SPDYA: variants seen among roughly 807,000 people sequenced by gnomAD.
The protein encoded by SPDYA is speedy protein A.
Under a neutral mutation model 36.7 loss-of-function variants are expected in SPDYA, and 11 were observed. The observed-to-expected ratio is 0.30, with a 90% CI of 0.19 to 0.50. SPDYA has a LOEUF of 0.50. SPDYA is among the 20% of genes least tolerant of loss of function. SPDYA has a pLI of 0.98. For missense variants in SPDYA, 287 were observed against 370.9 expected, an observed-to-expected ratio of 0.77 and a Z score of 1.86; for synonymous variants, 115 against 118.7, an observed-to-expected ratio of 0.97 and a Z score of 0.20.
intron 4 of SPDYA, among the ~76,000 whole-genome samples, chr2:28,819,841 AAAAAAAAAATATATATATATATAT>A (rs1668094561): frequency 2.0e-5 from 1 of 49,948 alleles, no homozygotes; most frequent in African/African-American, 9.2e-5. Context: ...AAAAAAAAAA[AAAAAAAAAATATATATATATATAT>A]ATATATATAT....
intron 7 of SPDYA, chr2:28,842,044 A>C (rs1668762847): frequency 1.3e-5 from 2 of 152,224 alleles, no homozygotes; most frequent in South Asian, 4.1e-4. Flanking sequence ...ACCTCCACTC[A>C]GCAGATAAGG....
chr2:28,832,735 C>T (rs1668506650), intron 6 of SPDYA, among the ~76,000 whole-genome samples: 1 of 152,032 alleles, frequency 6.6e-6, no homozygotes, highest in South Asian at 2.1e-4. Context: ...AAAAAATATC[C>T]AGCATCCTAC....
chr2:28,846,429 G>A (rs1189319033), intron 7 of SPDYA, among the ~76,000 whole-genome samples: 2 of 151,830 alleles, frequency 1.3e-5, no homozygotes, highest in African/African-American at 4.8e-5. Context: ...ACAAAAACAT[G>A]ATCCAGTGTA....
chr2:28,845,694 T>C (rs1457111440), intron 7 of SPDYA, among the ~76,000 whole-genome samples: 1 of 151,704 alleles, frequency 6.6e-6, no homozygotes, highest in Non-Finnish European at 1.5e-5. Context: ...ACAGGCATGC[T>C]CCACCATGCC....
chr2:28,824,078 G>C (rs1268993614), intron 5 of SPDYA, among the ~76,000 whole-genome samples: 1 of 151,860 alleles, frequency 6.6e-6, no homozygotes, highest in Non-Finnish European at 1.5e-5. Flanking sequence ...TTTACCTAGA[G>C]AACACATATA....
intron 6 of SPDYA, among the ~76,000 whole-genome samples, chr2:28,833,807 G>T (rs537499495): frequency 6.6e-6 from 1 of 151,984 alleles, no homozygotes; most frequent in African/African-American, 2.4e-5. Flanking sequence ...CCTTGAATTA[G>T]GTTTCTTAGA....
chr2:28,839,526 G>T (rs1001410665), intron 6 of SPDYA, among the ~76,000 whole-genome samples: 12 of 152,102 alleles, frequency 7.9e-5, no homozygotes, highest in African/African-American at 2.9e-4. Flanking sequence ...TTTTGAGACG[G>T]AGTCTCTCTC....
chr2:28,815,348 AAAGT>A (rs1461750680), intron 2 of SPDYA, among the ~76,000 whole-genome samples: 7 of 151,958 alleles, frequency 4.6e-5, no homozygotes, highest in Middle Eastern at 3.4e-3. Context: ...GGAAAACAGA[AAAGT>A]AAGTAAAATA....
In SPDYA at chr2:28,849,932, TG is replaced by T. The variant is rs773161970; in HGVS notation, c.934del (p.Glu312LysfsTer20). 3.8e-6 allele frequency: 6 copies of T among 1,589,148 alleles called. No homozygotes were observed. The highest frequency in any genetic ancestry group is 5.1e-6 in the Non-Finnish European group (6 of 1,172,208). On this transcript the variant is annotated frameshift_variant, in exon 8 of 8. Coordinates refer to ENST00000334056, the MANE Select transcript of SPDYA (RefSeq NM_182756.4). LOFTEE classifies it high-confidence loss of function. ...DKSMEWFTGS[E>X]E ...AATCTATGGAGTGGTTTACAGGAAG[TG>T]AAGAATGAGATGGCCCAACTAAACC... is the stretch of plus-strand genomic sequence containing the variant.
intron 7 of SPDYA, among the ~76,000 whole-genome samples, chr2:28,848,055 C>A (rs1668927389): frequency 1.3e-5 from 2 of 152,166 alleles, no homozygotes; most frequent in South Asian, 4.1e-4. Context: ...AATGATGAAA[C>A]TGCCCAACTA....
chr2:28,848,152 T>C (rs559044379), intron 7 of SPDYA, among the ~76,000 whole-genome samples: 17 of 152,348 alleles, frequency 1.1e-4, no homozygotes, highest in Non-Finnish European at 1.5e-4. Flanking sequence ...ATCATTATTA[T>C]ATAAATGTTC....
At chr2:28,824,993 TGTA>T (rs1388872065) in intron 5 of SPDYA, among the ~76,000 whole-genome samples, 1 of 152,238 alleles carries the variant, frequency 6.6e-6, no homozygotes, top group Non-Finnish European at 1.5e-5. Context: ...AAAATTTTAA[TGTA>T]GTATTAACTC....
At chr2:28,840,705 A>G (rs1439023826) in intron 7 of SPDYA, 1 of 1,218,444 alleles carries the variant, frequency 8.2e-7, no homozygotes, top group Non-Finnish European at 1.0e-6. Context: ...CTAATGCACC[A>G]TAAGCCTCAG....
intron 6 of SPDYA, among the ~76,000 whole-genome samples, chr2:28,832,391 A>G (rs1443355470): frequency 6.6e-6 from 1 of 152,130 alleles, no homozygotes. Context: ...ACTTCATTAG[A>G]GTGCCCCAGG....
chr2:28,811,373 T>C lies in SPDYA; in HGVS notation c.-93+426T>C, dbSNP rs991092437. Among the ~76,000 whole-genome samples the C allele has an allele frequency of 1.3e-5, 2 of 152,164 alleles. No individual in the cohort carries two copies. Among genetic ancestry groups the C allele is most frequent in the African/African-American group, 4.8e-5 (2 of 41,442 alleles). ...CCTTTATTGTGGGAGGAATGGAGAT[T>C]TGGGGGGTCTTTTTGATAAATCCTA... On this transcript the variant is annotated intron_variant, in intron 1 of 7. Coordinates refer to ENST00000334056, the MANE Select transcript of SPDYA (RefSeq NM_182756.4). This position sits in a 1 kb window ranked among gnomAD's most constrained non-coding sequence, Gnocchi z 4.2.
intron 6 of SPDYA, among the ~76,000 whole-genome samples, chr2:28,830,449 C>T (rs973188921): frequency 1.3e-5 from 2 of 151,996 alleles, no homozygotes; most frequent in South Asian, 2.1e-4. Flanking sequence ...GTGATCCGCC[C>T]GCCTCGGCCT....
At chr2:28,821,138 T>C (rs1668145177) in intron 4 of SPDYA, among the ~76,000 whole-genome samples, 1 of 151,942 alleles carries the variant, frequency 6.6e-6, no homozygotes, top group South Asian at 2.1e-4. Context: ...ACAGTAATGC[T>C]GTAATATCAA....
intron 7 of SPDYA, among the ~76,000 whole-genome samples, chr2:28,848,811 A>G (rs1221613155): frequency 6.6e-6 from 1 of 152,124 alleles, no homozygotes; most frequent in Non-Finnish European, 1.5e-5. Context: ...TGGGAGGTCA[A>G]GGCAGAAGGA....
intron 6 of SPDYA, among the ~76,000 whole-genome samples, chr2:28,834,223 G>A (rs1668539190): frequency 2.0e-5 from 3 of 151,912 alleles, no homozygotes; most frequent in Admixed American, 1.3e-4. Flanking sequence ...AAAAATAAAA[G>A]TATTGAAGAG....
Sources: allele counts gnomAD v4.1 joint callset (sites outside exome capture counted in the v4.1 genomes callset), GRCh38; gene constraint gnomAD v4.1.1; non-coding constraint Gnocchi (gnomAD v3.1); transcripts MANE v1.5; gene names NCBI Gene and HGNC (gene_info 2026-07-23, HGNC 2026-07-21).